The following DLGAP1 variants were observed in gnomAD, a reference collection of about 807,000 sequenced individuals.
The protein encoded by DLGAP1 is DLG associated protein 1.
A neutral mutation model predicts 90.8 loss-of-function variants in DLGAP1; 11 were observed. That is an observed-to-expected ratio of 0.12 (90% CI 0.08 to 0.20). The LOEUF is 0.20. Ranked by LOEUF, DLGAP1 falls within the 10% of genes least tolerant of loss-of-function variation. The pLI is 1.00. For synonymous variants in DLGAP1, 558 were observed against 540.7 expected (o/e 1.03, Z -0.44); for missense variants, 1,050 against 1,333.8 (o/e 0.79, Z 3.31).
intron 1 of DLGAP1, among the ~76,000 whole-genome samples, chr18:4,367,984 A>G (rs1429434479): frequency 6.6e-6 from 1 of 152,228 alleles, no homozygotes; most frequent in Non-Finnish European, 1.5e-5. Context: ...TGTTTTATCA[A>G]CATTTCATTT....
chr18:3,508,590 C>T lies in DLGAP1; in HGVS notation c.2551G>A (p.Glu851Lys). 1.2e-6 allele frequency: 2 copies of T among 1,613,794 alleles called. No homozygotes were observed. The highest frequency in any genetic ancestry group is 1.7e-6 in the Non-Finnish European group (2 of 1,179,852). Residue 851 changes from glutamate (E) to lysine (K), a missense_variant, in exon 11 of 13, where the codon GAA becomes AAA. By Grantham distance (56) the Glu-to-Lys change is moderately conservative. Around this residue, in one of 2 missense-constraint regions of DLGAP1, gnomAD observed 565 missense variants for 879.7 expected, o/e 0.64. Transcript: ENST00000315677. ...CCTACCAGGTTTTCTTCACACAGTT[C>T]TCTGAACTGGTAGAATTTCTGGGCC... is the stretch of plus-strand genomic sequence containing the variant. ...LMAQKFYQFR[E>K]LCEENLNPNA...
chr18:4,190,226 T>C (rs1379230982), intron 1 of DLGAP1, among the ~76,000 whole-genome samples: 1 of 152,088 alleles, frequency 6.6e-6, no homozygotes, highest in African/African-American at 2.4e-5. Flanking sequence ...ATGGAGGAAG[T>C]TGAAATACAT....
At chr18:3,945,066 G>A (rs889834963) in intron 3 of DLGAP1, among the ~76,000 whole-genome samples, 1 of 152,194 alleles carries the variant, frequency 6.6e-6, no homozygotes, top group Non-Finnish European at 1.5e-5. Context: ...TTGAAAGCCA[G>A]GTTCTGGGGC....
intron 2 of DLGAP1, among the ~76,000 whole-genome samples, chr18:4,080,464 A>G (rs2075589070): frequency 6.6e-6 from 1 of 152,106 alleles, no homozygotes. Flanking sequence ...CTATTCAGGA[A>G]GGGCTGGAAA....
rs570490440 is a variant in DLGAP1, at chr18:3,660,630, T to G, written c.1591+68505A>C. On this transcript the variant is annotated intron_variant, in intron 7 of 12. Coordinates refer to ENST00000315677, the MANE Select transcript of DLGAP1 (RefSeq NM_004746.4). This position sits in a 1 kb window ranked among gnomAD's most constrained non-coding sequence, Gnocchi z 4.2. ...TGAGCTGAGTACTGAGATTTCATTA[T>G]ATTGACCACTGTCTATTTCTACTCA... 6.6e-6 allele frequency among the ~76,000 whole-genome samples: 1 copy of G among 152,388 alleles called. No individual in the cohort carries two copies. The highest frequency in any genetic ancestry group is 1.9e-4 in the East Asian group (1 of 5,192).
chr18:3,895,306 C>CACACACACACACACAT (rs2071590825), intron 3 of DLGAP1, among the ~76,000 whole-genome samples: 1 of 150,818 alleles, frequency 6.6e-6, no homozygotes, highest in Non-Finnish European at 1.5e-5. Flanking sequence ...CACACACACA[C>CACACACACACACACAT]ACACACACAC....
At chr18:3,837,236 T>C (rs2068440601) in intron 4 of DLGAP1, among the ~76,000 whole-genome samples, 1 of 152,206 alleles carries the variant, frequency 6.6e-6, no homozygotes, top group Non-Finnish European at 1.5e-5. Context: ...TCCTTTTATG[T>C]TTAAACCTCC....
At chr18:3,523,249 T>G (rs192618130) in intron 10 of DLGAP1, among the ~76,000 whole-genome samples, 1 of 151,620 alleles carries the variant, frequency 6.6e-6, no homozygotes, top group Non-Finnish European at 1.5e-5. Context: ...TGGTGGTGCA[T>G]GCCTGTAATC....
At chr18:4,343,180 G>A (rs1024406710) in intron 1 of DLGAP1, among the ~76,000 whole-genome samples, 34 of 151,902 alleles carry the variant, frequency 2.2e-4, no homozygotes, top group Admixed American at 3.3e-4. Context: ...GGTGGCAGGC[G>A]CCTGTAGTCC....
intron 2 of DLGAP1, among the ~76,000 whole-genome samples, chr18:4,101,047 C>G (rs1361919288): frequency 6.6e-6 from 1 of 152,188 alleles, no homozygotes; most frequent in Non-Finnish European, 1.5e-5. Context: ...TGGGGCAGCA[C>G]TTTTAATTTC....
intron 5 of DLGAP1, among the ~76,000 whole-genome samples, chr18:3,749,051 C>A (rs1339785085): frequency 6.6e-6 from 1 of 151,866 alleles, no homozygotes; most frequent in African/African-American, 2.4e-5. Flanking sequence ...GAAGGTAATT[C>A]CAATGGAAAC....
chr18:4,125,788 T>A (rs1229265320), intron 2 of DLGAP1, among the ~76,000 whole-genome samples: 1 of 152,224 alleles, frequency 6.6e-6, no homozygotes, highest in Non-Finnish European at 1.5e-5. Flanking sequence ...CACCTGGACC[T>A]GTTTCTTGGC....
At chr18:3,703,940 A>G (rs1377821351) in intron 7 of DLGAP1, among the ~76,000 whole-genome samples, 10 of 152,228 alleles carry the variant, frequency 6.6e-5, no homozygotes, top group Non-Finnish European at 1.0e-4. Context: ...CAGGGCTTCT[A>G]ATCTTGACAG....
intron 1 of DLGAP1, among the ~76,000 whole-genome samples, chr18:4,382,524 G>A (rs1203286300): frequency 7.1e-6 from 1 of 141,400 alleles, no homozygotes; most frequent in African/African-American, 2.6e-5. Flanking sequence ...TTCTTGGTAT[G>A]AAACTGTTTT....
chr18:3,863,538 C>T (rs55914214), intron 4 of DLGAP1, among the ~76,000 whole-genome samples: 1,956 of 152,314 alleles, frequency 0.013, 45 homozygotes, highest in African/African-American at 0.045. Context: ...CACCTGGAAG[C>T]ATTTAGGTCT....
Position 4,454,393 on chromosome 18 carries a change from C to A in DLGAP1, c.-267+613G>T, listed in dbSNP as rs1341956033. 7.9e-6 allele frequency among the ~76,000 whole-genome samples: 1 copy of A among 127,284 alleles called. No individual in the cohort carries two copies. The highest frequency in any genetic ancestry group is 1.8e-5 in the Non-Finnish European group (1 of 55,840). 83.5% of individuals were successfully genotyped at this position (127,284 alleles called of 152,430 possible). A position where few individuals can be genotyped will look rare whatever the true frequency, so the allele number is the denominator to read the frequency against. Reference sequence around the variant, plus strand: ...GGGGGCGACTCTCCAGTGACCTCCTCCTTGGACCCCATTTCTCTCTCTCTC... The same window carrying A: ...GGGGGCGACTCTCCAGTGACCTCCTACTTGGACCCCATTTCTCTCTCTCTC... On this transcript the variant is annotated intron_variant, in intron 1 of 12. Coordinates refer to ENST00000315677, the MANE Select transcript of DLGAP1 (RefSeq NM_004746.4). This position sits in a 1 kb window ranked among gnomAD's most constrained non-coding sequence, Gnocchi z 4.7.
At position 3,879,614 on chromosome 18, in the gene DLGAP1, G is replaced by A; in HGVS notation, c.455C>T (p.Ser152Leu). 1.2e-6 allele frequency: 2 copies of A among 1,603,692 alleles called. No homozygotes were observed. The highest frequency in any genetic ancestry group is 1.7e-6 in the Non-Finnish European group (2 of 1,178,800). The stretch of plus-strand genomic sequence containing the variant: ...CTTGGACGGCCCCTCCAGGGAGTGC[G>A]ACTTGGTGAAGAGCTTCTGGACCGA... Reference protein sequence around the residue: ...VHSVQKLFTKSHSLEGPSKGS... With the variant: ...VHSVQKLFTKLHSLEGPSKGS... Residue 152 changes from serine to leucine, a missense_variant, in exon 4 of 13, where the codon TCG (serine) becomes TTG (leucine). Coordinates refer to ENST00000315677, the MANE Select transcript of DLGAP1 (RefSeq NM_004746.4). This position sits in a 1 kb window ranked among gnomAD's most constrained non-coding sequence, Gnocchi z 6.6.
chr18:4,172,641 G>A (rs1344400018), intron 1 of DLGAP1, among the ~76,000 whole-genome samples: 1 of 152,052 alleles, frequency 6.6e-6, no homozygotes, highest in Admixed American at 6.6e-5. Flanking sequence ...TGAACATAAG[G>A]GTGCTGAAAT....
chr18:3,817,149 C>G (rs1376381173), intron 4 of DLGAP1, among the ~76,000 whole-genome samples: 1 of 152,138 alleles, frequency 6.6e-6, no homozygotes, highest in African/African-American at 2.4e-5. Flanking sequence ...ACCACACTTG[C>G]TATTTCTCAA....
Sources: gnomAD v4.1 joint callset for allele counts (sites outside exome capture counted in the v4.1 genomes callset) on GRCh38, gnomAD v4.1.1 for gene constraint, gnomAD v4.1.1 regional missense constraint, Gnocchi (gnomAD v3.1) non-coding constraint, MANE v1.5 for transcripts, NCBI Gene and HGNC (gene_info 2026-07-23, HGNC 2026-07-21) for gene names.